POU6F2: variants seen among roughly 807,000 people sequenced by gnomAD.
The protein encoded by POU6F2 is POU class 6 homeobox 2.
POU6F2 carries 31 observed loss-of-function variants against 71.3 expected under a neutral mutation model. The ratio of observed to expected loss-of-function variants is 0.43; its 90% CI spans 0.33 to 0.59. The LOEUF is 0.59. Among genes scored for constraint, POU6F2 ranks in the 20% least tolerant of loss-of-function variants. The pLI is 0.04. For synonymous variants in POU6F2, 347 were observed against 355.7 expected, an observed-to-expected ratio of 0.98 and a Z score of 0.27; for missense variants, 783 against 856.8, an observed-to-expected ratio of 0.91 and a Z score of 1.07.
At chr7:39,227,767 G>A (rs757459533) in intron 4 of POU6F2, among the ~76,000 whole-genome samples, 1 of 151,954 alleles carries the variant, frequency 6.6e-6, no homozygotes, top group Non-Finnish European at 1.5e-5. Context: ...CTGTGTTAGC[G>A]AGGATGGTCT....
chr7:39,451,778 C>T, intron 8 of POU6F2, 77 bp downstream of exon 8: 1 of 1,429,600 alleles, frequency 7.0e-7, no homozygotes, highest in Non-Finnish European at 9.6e-7. Flanking sequence ...CTTCTTGTCT[C>T]TCTCTCACTC....
chr7:39,105,564 G>A (rs1359110639), intron 2 of POU6F2, among the ~76,000 whole-genome samples: 1 of 152,010 alleles, frequency 6.6e-6, no homozygotes, highest in Non-Finnish European at 1.5e-5. Context: ...GCAAGAATAA[G>A]TATTCTTGGT....
At chr7:39,038,226 A>AT (rs1449854827) in intron 1 of POU6F2, among the ~76,000 whole-genome samples, 12 of 151,532 alleles carry the variant, frequency 7.9e-5, no homozygotes, top group Admixed American at 5.9e-4. Flanking sequence ...ACAAGATCAC[A>AT]TTTTTTTTGA....
At chr7:39,379,400 G>A (rs188910388) in intron 5 of POU6F2, among the ~76,000 whole-genome samples, 1 of 152,200 alleles carries the variant, frequency 6.6e-6, no homozygotes, top group East Asian at 1.9e-4. Context: ...GAAAGTCCAT[G>A]TACTCAGCTA....
chr7:39,179,072 GT>G (rs1281104292), intron 2 of POU6F2, among the ~76,000 whole-genome samples: 2 of 152,236 alleles, frequency 1.3e-5, no homozygotes, highest in Middle Eastern at 3.4e-3. Flanking sequence ...GATACCTGGA[GT>G]TTAGATTCCA....
At chr7:39,434,487 G>A (rs1788183636) in intron 7 of POU6F2, among the ~76,000 whole-genome samples, 3 of 151,982 alleles carry the variant, frequency 2.0e-5, no homozygotes, top group Admixed American at 2.0e-4. Context: ...GGTCAGAATA[G>A]TGCCTGGCAT....
chr7:39,196,521 G>A (rs1164065348), intron 2 of POU6F2, among the ~76,000 whole-genome samples: 1 of 152,186 alleles, frequency 6.6e-6, no homozygotes, highest in African/African-American at 2.4e-5. Context: ...ACTTTTGAGA[G>A]TCTGAGGCAG....
chr7:39,387,752 A>G (rs1440655117), intron 5 of POU6F2, among the ~76,000 whole-genome samples: 1 of 152,230 alleles, frequency 6.6e-6, no homozygotes, highest in Non-Finnish European at 1.5e-5. Context: ...ATAGTCATGG[A>G]ACATTATGCT....
intron 1 of POU6F2, among the ~76,000 whole-genome samples, chr7:38,986,429 AG>A (rs1188010266): frequency 2.0e-5 from 3 of 152,096 alleles, no homozygotes; most frequent in Non-Finnish European, 2.9e-5. Flanking sequence ...TTCCAAAAAC[AG>A]GGGGGCTCTT....
chr7:39,078,678 A>G (rs772027979), intron 1 of POU6F2, among the ~76,000 whole-genome samples: 4 of 152,298 alleles, frequency 2.6e-5, no homozygotes, highest in Non-Finnish European at 5.9e-5. Flanking sequence ...CTTTTTCTGT[A>G]AAGAGGTAAA....
chr7:39,281,491 C>A (rs1005134686), intron 4 of POU6F2, among the ~76,000 whole-genome samples: 1 of 152,056 alleles, frequency 6.6e-6, no homozygotes, highest in African/African-American at 2.4e-5. Context: ...AACCACTATT[C>A]TACTTTCTAT....
intron 2 of POU6F2, among the ~76,000 whole-genome samples, chr7:39,118,389 T>C (rs895560867): frequency 6.6e-6 from 1 of 151,616 alleles, no homozygotes; most frequent in Non-Finnish European, 1.5e-5. Flanking sequence ...ATAGAAGCAA[T>C]GTATACAGCA....
chr7:39,238,876 G>T (rs1365870500), intron 4 of POU6F2, among the ~76,000 whole-genome samples: 1 of 152,172 alleles, frequency 6.6e-6, no homozygotes, highest in Non-Finnish European at 1.5e-5. Context: ...ATGAGCTATT[G>T]CTACACACAG....
chr7:39,412,094 G>A (rs1787561669), intron 6 of POU6F2, among the ~76,000 whole-genome samples: 1 of 152,236 alleles, frequency 6.6e-6, no homozygotes, highest in Admixed American at 6.5e-5. Context: ...CTTCTTAGTT[G>A]TGTGGACCTT....
At chr7:39,161,764 A>G (rs1434471485) in intron 2 of POU6F2, among the ~76,000 whole-genome samples, 1 of 152,178 alleles carries the variant, frequency 6.6e-6, no homozygotes, top group Non-Finnish European at 1.5e-5. Flanking sequence ...GAGACAGAAT[A>G]ATGAAGAATA....
At chr7:39,143,108 A>G (rs562754598) in intron 2 of POU6F2, among the ~76,000 whole-genome samples, 1 of 152,348 alleles carries the variant, frequency 6.6e-6, no homozygotes, top group South Asian at 2.1e-4. Context: ...TAGCTGTGGC[A>G]TAGAGAAGTA....
intron 6 of POU6F2, among the ~76,000 whole-genome samples, chr7:39,432,709 A>G (rs1554282526): frequency 1.3e-5 from 2 of 151,504 alleles, no homozygotes; most frequent in Non-Finnish European, 2.9e-5. Context: ...GTGGGGATGC[A>G]CTCTTCCCAG....
At chr7:39,072,582 A>G (rs1790905898) in intron 1 of POU6F2, among the ~76,000 whole-genome samples, 1 of 152,174 alleles carries the variant, frequency 6.6e-6, no homozygotes, top group Non-Finnish European at 1.5e-5. Flanking sequence ...TAGCCATTCT[A>G]GGTGCTTGAG....
intron 4 of POU6F2, among the ~76,000 whole-genome samples, chr7:39,284,605 T>C (rs939079769): frequency 1.3e-5 from 2 of 152,228 alleles, no homozygotes; most frequent in African/African-American, 4.8e-5. Flanking sequence ...AATAGTAATA[T>C]TGCCTTCTGA....
Sources: gnomAD v4.1 joint callset for allele counts (sites outside exome capture counted in the v4.1 genomes callset) on GRCh38, gnomAD v4.1.1 for gene constraint, MANE v1.5 for transcripts, NCBI Gene and HGNC (gene_info 2026-07-23, HGNC 2026-07-21) for gene names.